The following CRADD variants were observed in gnomAD, a reference collection of about 807,000 sequenced individuals.
The protein encoded by CRADD is CARD and death domain containing adaptor protein.
CRADD carries 9 observed loss-of-function variants against 15.5 expected under a neutral mutation model. That is an observed-to-expected ratio of 0.58 (90% CI 0.35 to 1.01). CRADD has a LOEUF of 1.01. CRADD is among the 50% of genes least tolerant of loss of function. CRADD has a pLI of 0.02. For missense variants in CRADD, 227 were observed against 250.3 expected (o/e 0.91, Z 0.63); for synonymous variants, 118 against 107.6 (o/e 1.10, Z -0.60).
chr12:93,726,158 C>CAA (rs1332399429), intron 2 of CRADD, among the ~76,000 whole-genome samples: 1 of 130,538 alleles, frequency 7.7e-6, no homozygotes, highest in Non-Finnish European at 1.6e-5. Context: ...TGGCTGAGTG[C>CAA]AATGGTGCAA....
rs75785325 is a variant in CRADD at position 93,864,904 on chromosome 12, G to A, written c.299-29146G>A. On this transcript the variant is annotated intron_variant, in intron 2 of 2. Coordinates refer to the CRADD transcript ENST00000548483. ...ATCATAGAACCAACCTCATAACACCGTTATAAGGAGGCAATGAGAGAGTAT... is the reference window on the plus strand; with the variant it reads ...ATCATAGAACCAACCTCATAACACCATTATAAGGAGGCAATGAGAGAGTAT... 4.1e-3 allele frequency among the ~76,000 whole-genome samples: 631 copies of A among 152,264 alleles called. 3 individuals are homozygous for A. Among genetic ancestry groups the A allele is most frequent in the Admixed American group, 6.8e-3 (104 of 15,300 alleles).
intron 2 of CRADD, among the ~76,000 whole-genome samples, chr12:93,775,434 G>C (rs1957130939): frequency 6.6e-6 from 1 of 152,188 alleles, no homozygotes; most frequent in Non-Finnish European, 1.5e-5. Context: ...TTTCAGAAAG[G>C]TTTCTGTGAG....
intron 2 of CRADD, among the ~76,000 whole-genome samples, chr12:93,797,381 A>G (rs958009015): frequency 2.8e-4 from 43 of 152,270 alleles, no homozygotes; most frequent in African/African-American, 1.0e-3. Context: ...CAGGGGGTGA[A>G]CTTGGAGATG....
chr12:93,865,153 C>T (rs749818838), intron 2 of CRADD, among the ~76,000 whole-genome samples: 10 of 152,144 alleles, frequency 6.6e-5, no homozygotes, highest in African/African-American at 9.7e-5. Context: ...TCCCAAGCTC[C>T]GGTGAGGAGG....
intron 2 of CRADD, among the ~76,000 whole-genome samples, chr12:93,683,853 C>T (rs918449409): frequency 2.6e-5 from 4 of 152,210 alleles, no homozygotes; most frequent in African/African-American, 7.2e-5. Flanking sequence ...AATCATACCA[C>T]GTAATTGACC....
chr12:93,731,744 G>A (rs1444578585), intron 2 of CRADD, among the ~76,000 whole-genome samples: 1 of 152,170 alleles, frequency 6.6e-6, no homozygotes, highest in Non-Finnish European at 1.5e-5. Flanking sequence ...ACCTACCTGA[G>A]GATTCTTCTG....
intron 2 of CRADD, among the ~76,000 whole-genome samples, chr12:93,742,969 A>G (rs1335963942): frequency 3.3e-5 from 5 of 152,224 alleles, no homozygotes; most frequent in Non-Finnish European, 5.9e-5. Flanking sequence ...TTGAAAAGAA[A>G]TCCTGCAGAA....
At position 93,782,693 on chromosome 12, in the gene CRADD, CT is replaced by C. The variant is rs200589191; in HGVS notation, c.299-67268del. On this transcript the variant is annotated intron_variant, in intron 2 of 2. Transcript: ENST00000332896. ...AACAACTGACTAACTAAAAAAATGC[CT>C]TTTTTTTTAAACAGGCAAAAATAAA... Among the ~76,000 whole-genome samples the C allele has an allele frequency of 2.7e-3, 412 of 150,194 alleles. 3 individuals are homozygous for C. The highest frequency in any genetic ancestry group is 9.5e-3 in the African/African-American group (391 of 41,026).
chr12:93,879,964 A>C (rs1041650463), intron 2 of CRADD, among the ~76,000 whole-genome samples: 1 of 152,100 alleles, frequency 6.6e-6, no homozygotes, highest in African/African-American at 2.4e-5. Flanking sequence ...TCAAACACCT[A>C]CTCTATGCCA....
intron 2 of CRADD, among the ~76,000 whole-genome samples, chr12:93,726,094 G>GTTTTTTTTTTTTT (rs1165429350): frequency 3.1e-5 from 3 of 96,010 alleles, no homozygotes; most frequent in Non-Finnish European, 4.1e-5. Context: ...AAATAGTTTA[G>GTTTTTTTTTTTTT]TTTTTTTTTT....
At chr12:93,813,061 C>T (rs1167281871) in intron 2 of CRADD, among the ~76,000 whole-genome samples, 1 of 152,146 alleles carries the variant, frequency 6.6e-6, no homozygotes, top group Non-Finnish European at 1.5e-5. Context: ...TGTGTTATAT[C>T]ATAAAAGAAT....
intron 2 of CRADD, among the ~76,000 whole-genome samples, chr12:93,835,754 A>T (rs1009720752): frequency 6.6e-6 from 1 of 151,982 alleles, no homozygotes; most frequent in East Asian, 1.9e-4. Flanking sequence ...GTTTTGGCCC[A>T]TTTTCTTCCA....
intron 2 of CRADD, among the ~76,000 whole-genome samples, chr12:93,884,402 G>A (rs997648068): frequency 3.9e-5 from 6 of 152,118 alleles, no homozygotes; most frequent in African/African-American, 7.2e-5. Flanking sequence ...GGTCCCTGGC[G>A]AAACCCTGCC....
intron 2 of CRADD, among the ~76,000 whole-genome samples, chr12:93,817,299 C>T (rs1326999733): frequency 5.3e-5 from 8 of 152,110 alleles, no homozygotes; most frequent in Non-Finnish European, 8.8e-5. Flanking sequence ...CAAGAGCTGT[C>T]TATGTTCAGC....
intron 2 of CRADD, among the ~76,000 whole-genome samples, chr12:93,798,275 A>T (rs1173187374): frequency 6.6e-6 from 1 of 152,144 alleles, no homozygotes; most frequent in Admixed American, 6.5e-5. Context: ...TATTTGCTGG[A>T]TGAATGTTCT....
In CRADD at chr12:93,823,298, C is replaced by CA. The variant is rs66639212; in HGVS notation, c.299-26657dup. 5.1e-3 allele frequency among the ~76,000 whole-genome samples: 719 copies of CA among 139,806 alleles called. 3 individuals are homozygous for CA. Among genetic ancestry groups the CA allele is most frequent in the Admixed American group, 8.0e-3 (112 of 13,972 alleles). 91.7% of individuals were successfully genotyped at this position (139,806 alleles called of 152,430 possible). A position where few individuals can be genotyped will look rare whatever the true frequency, so the allele number is the denominator to read the frequency against. ...CAAGAGCGAAACTCTGTCTCAAAAA[C>CA]AAAAAAAAAAAAAAAGAAGAGGAAG... On this transcript the variant is annotated intron_variant, in intron 2 of 2. Coordinates refer to ENST00000332896, the MANE Select transcript of CRADD (RefSeq NM_003805.5).
chr12:93,772,765 C>G (rs1231833043), intron 2 of CRADD, among the ~76,000 whole-genome samples: 1 of 152,116 alleles, frequency 6.6e-6, no homozygotes, highest in Non-Finnish European at 1.5e-5. Context: ...CAGGGTTGGA[C>G]TGGACAGCAA....
intron 2 of CRADD, among the ~76,000 whole-genome samples, chr12:93,784,887 G>A (rs1249948661): frequency 3.9e-5 from 6 of 152,152 alleles, no homozygotes; most frequent in Admixed American, 1.3e-4. Context: ...ATAAAAAGTC[G>A]ATTCTTCTTA....
At chr12:93,816,157 T>C (rs1176392554) in intron 2 of CRADD, 1 of 152,276 alleles carries the variant, frequency 6.6e-6, no homozygotes, top group Admixed American at 6.5e-5. Flanking sequence ...AGTATTATTA[T>C]TTCAACATGA....
Sources: allele counts gnomAD v4.1 joint callset (sites outside exome capture counted in the v4.1 genomes callset), GRCh38; gene constraint gnomAD v4.1.1; transcripts MANE v1.5; gene names NCBI Gene and HGNC (gene_info 2026-07-23, HGNC 2026-07-21).